Variants in PKNOX2 observed in about 807,000 individuals in gnomAD.
PKNOX2 encodes the protein PBX/knotted 1 homeobox 2, also known as homeobox protein PKNOX2.
A neutral mutation model predicts 53.1 loss-of-function variants in PKNOX2; 14 were observed. That is an observed-to-expected ratio of 0.26 (90% CI 0.17 to 0.41). PKNOX2 has a LOEUF of 0.41. Ranked by LOEUF, PKNOX2 falls within the 10% of genes least tolerant of loss-of-function variation. The probability of loss-of-function intolerance (pLI) is 1.00; values close to 1 mark genes in which losing one functional copy is unlikely to be tolerated. For missense variants in PKNOX2, 496 were observed against 602.8 expected (o/e 0.82, Z 1.85); for synonymous variants, 257 against 242.8 (o/e 1.06, Z -0.54).
intron 2 of PKNOX2, among the ~76,000 whole-genome samples, chr11:125,272,010 G>A (rs899660034): frequency 4.6e-5 from 7 of 152,202 alleles, no homozygotes; most frequent in Non-Finnish European, 7.3e-5. Flanking sequence ...ACGCTATAGC[G>A]ACAAATCACA....
chr11:125,189,510 G>A (rs1264024768), intron 1 of PKNOX2, among the ~76,000 whole-genome samples: 1 of 130,108 alleles, frequency 7.7e-6, no homozygotes, highest in East Asian at 2.3e-4. Flanking sequence ...AGGAGAGAGG[G>A]GTAGCCCTGC....
At chr11:125,359,714 C>T (rs963479735) in intron 4 of PKNOX2, among the ~76,000 whole-genome samples, 5 of 152,266 alleles carry the variant, frequency 3.3e-5, no homozygotes, top group East Asian at 3.9e-4. Context: ...CCAGCCCTGC[C>T]GGGCCCGCCT....
intron 5 of PKNOX2, among the ~76,000 whole-genome samples, chr11:125,384,341 T>TGGGGGTC (rs1953469612): frequency 6.6e-6 from 1 of 151,714 alleles, no homozygotes; most frequent in Admixed American, 6.6e-5. Context: ...GGTGGGGGAA[T>TGGGGGTC]GGGGGTCAGG....
In PKNOX2 at chr11:125,170,940, T is replaced by A. The variant is rs186472011; in HGVS notation, c.-201+6164T>A. On this transcript the variant is annotated intron_variant, in intron 1 of 12. Transcript: ENST00000298282. The stretch of plus-strand genomic sequence containing the variant: ...CGTGGCCAATTTGAGTACGGCTCAG[T>A]CAAGGCAGTGGGGGTGCCCAGTGGG... 4.8e-5 allele frequency among the ~76,000 whole-genome samples: 7 copies of A among 145,098 alleles called. No homozygotes were observed. In the East Asian group the frequency reaches 1.5e-3, roughly 32 times the overall value.
chr11:125,310,652 T>C (rs1243771208), intron 2 of PKNOX2, among the ~76,000 whole-genome samples: 1 of 152,210 alleles, frequency 6.6e-6, no homozygotes, highest in Non-Finnish European at 1.5e-5. Context: ...TTTCCATCTC[T>C]AAAAGCTATT....
chr11:125,353,701 A>G (rs946956293), intron 4 of PKNOX2, among the ~76,000 whole-genome samples: 3 of 152,216 alleles, frequency 2.0e-5, no homozygotes, highest in Non-Finnish European at 4.4e-5. Flanking sequence ...TGCCCTGGGG[A>G]AGCTGCCATC....
chr11:125,306,862 C>T (rs1948494994), intron 2 of PKNOX2, among the ~76,000 whole-genome samples: 1 of 152,214 alleles, frequency 6.6e-6, no homozygotes, highest in Admixed American at 6.5e-5. Context: ...ACACAAATTG[C>T]ATCTTTCTTC....
intron 3 of PKNOX2, among the ~76,000 whole-genome samples, chr11:125,339,152 C>T (rs1164958424): frequency 6.6e-6 from 1 of 152,176 alleles, no homozygotes; most frequent in African/African-American, 2.4e-5. Context: ...TGGCAGAGAA[C>T]AACCCGAGCC....
intron 3 of PKNOX2, among the ~76,000 whole-genome samples, chr11:125,342,668 C>G (rs1355512725): frequency 6.6e-6 from 1 of 152,054 alleles, no homozygotes; most frequent in Non-Finnish European, 1.5e-5. Flanking sequence ...TAATAATAAA[C>G]CTGGGAATCA....
chr11:125,298,014 T>C (rs1425167679), intron 2 of PKNOX2, among the ~76,000 whole-genome samples: 1 of 152,170 alleles, frequency 6.6e-6, no homozygotes, highest in East Asian at 1.9e-4. Context: ...ATACAACTGA[T>C]GGCCCAAACT....
intron 1 of PKNOX2, among the ~76,000 whole-genome samples, chr11:125,188,374 T>C (rs1458095971): frequency 1.3e-5 from 2 of 152,194 alleles, no homozygotes; most frequent in African/African-American, 2.4e-5. Flanking sequence ...TCTGGAGTCT[T>C]TCACCCCATT....
chr11:125,247,975 T>C (rs1591495302), intron 2 of PKNOX2, among the ~76,000 whole-genome samples: 1 of 152,122 alleles, frequency 6.6e-6, no homozygotes, highest in Non-Finnish European at 1.5e-5. Flanking sequence ...AATTTCTTCC[T>C]CCCAGAGCCC....
chr11:125,313,222 C>CAT lies in PKNOX2; in HGVS notation c.-129-18597_-129-18596insAT, dbSNP rs1565494608. ...TTGAATGTCTGCAATGGCAGTGCCC[C>CAT]TCATCCAAACTGAGGAACATGGAAG... On this transcript the variant is annotated intron_variant, in intron 2 of 12. Coordinates refer to ENST00000298282, the MANE Select transcript of PKNOX2 (RefSeq NM_001382323.2). 5.5e-4 allele frequency among the ~76,000 whole-genome samples: 83 copies of CAT among 151,848 alleles called. 1 individual carries two copies. The highest frequency in any genetic ancestry group is 1.6e-3 in the African/African-American group (66 of 41,314).
chr11:125,385,697 G>A lies in PKNOX2; in HGVS notation c.374G>A (p.Ser125Asn). 1 of 1,613,738 alleles carries A rather than the reference G, an allele frequency of 6.2e-7. No homozygotes were observed. The highest frequency in any genetic ancestry group is 1.1e-5 in the South Asian group (1 of 90,938). Residue 125 changes from serine to asparagine, a missense_variant, in exon 6 of 13, where the codon AGC becomes AAC. Ser to Asn is a conservative substitution (Grantham distance 46, BLOSUM62 1). Around this residue, in one of 5 missense-constraint regions of PKNOX2, gnomAD observed 168 missense variants for 178.4 expected, o/e 0.94. Transcript: ENST00000298282. ...QQEQEHKPFF[S>N]DDPELDNLMV... ...GAACAGGAGCACAAACCCTTCTTCA[G>A]CGATGACCCAGAACTGGACAATCTG...
intron 7 of PKNOX2, among the ~76,000 whole-genome samples, chr11:125,399,397 T>C (rs980639079): frequency 6.6e-6 from 1 of 152,218 alleles, no homozygotes; most frequent in African/African-American, 2.4e-5. Context: ...AACGAGCATC[T>C]CGTTTGTAAT....
chr11:125,363,881 G>T (rs1347012893), intron 4 of PKNOX2, among the ~76,000 whole-genome samples: 1 of 152,188 alleles, frequency 6.6e-6, no homozygotes, highest in East Asian at 1.9e-4. Context: ...GGCAAGCCCT[G>T]ATTTGCAGCA....
intron 7 of PKNOX2, among the ~76,000 whole-genome samples, chr11:125,406,022 G>A (rs182384654): frequency 3.9e-5 from 6 of 152,256 alleles, no homozygotes; most frequent in Admixed American, 1.3e-4. Flanking sequence ...AACTAGAACC[G>A]TACCAAACAC....
chr11:125,417,921 A>G (rs1195309097), intron 10 of PKNOX2, among the ~76,000 whole-genome samples: 1 of 151,968 alleles, frequency 6.6e-6, no homozygotes, highest in Non-Finnish European at 1.5e-5. Flanking sequence ...GGGCCCTTCT[A>G]TGAACTCTGC....
chr11:125,430,759 A>G (rs565887420), intron 12 of PKNOX2, among the ~76,000 whole-genome samples: 26 of 2,472 alleles, frequency 0.011, no homozygotes, highest in South Asian at 0.1. Context: ...TTATGATGGG[A>G]AAAAAAAAAA....
Sources: gnomAD v4.1 joint callset for allele counts (sites outside exome capture counted in the v4.1 genomes callset) on GRCh38, gnomAD v4.1.1 for gene constraint, gnomAD v4.1.1 regional missense constraint, MANE v1.5 for transcripts, NCBI Gene and HGNC (gene_info 2026-07-23, HGNC 2026-07-21) for gene names.